The following SYTL4 variants were observed in gnomAD, a reference collection of about 807,000 sequenced individuals.
The protein encoded by SYTL4 is synaptotagmin-like protein 4.
A neutral mutation model predicts 52.7 loss-of-function variants in SYTL4; 16 were observed. The ratio of observed to expected loss-of-function variants is 0.30; its 90% CI spans 0.21 to 0.46. The LOEUF (loss-of-function observed/expected upper bound fraction) is 0.46. Ranked by LOEUF, SYTL4 falls within the 20% of genes least tolerant of loss-of-function variation. SYTL4 has a pLI of 1.00. For synonymous variants in SYTL4, 160 were observed against 186.6 expected (o/e 0.86, Z 1.16); for missense variants, 423 against 519.9 (o/e 0.81, Z 1.81).
At chrX:100,680,971 C>T (rs2083362532) in intron 17 of SYTL4, among the ~76,000 whole-genome samples, 2 of 111,629 alleles carry the variant, frequency 1.8e-5, no homozygotes, top group Admixed American at 9.6e-5. Flanking sequence ...CTTCTGCCCT[C>T]TTAGTAGCTT....
rs756684104 is a variant in SYTL4, at chrX:100,696,323, A to G, written c.539+4574T>C. ...CCCACCAGCAGTGTATAAGAATGCT[A>G]GTTGTTTATAATAGCAAGGAGGAAA... is the stretch of plus-strand genomic sequence containing the variant. On this transcript the variant is annotated intron_variant, in intron 8 of 19. Transcript: ENST00000372989. Among the ~76,000 whole-genome samples, 411 of 112,379 alleles carry G rather than the reference A, an allele frequency of 3.7e-3. 1 individual carries two copies. Among genetic ancestry groups the G allele is most frequent in the Admixed American group, 3.2e-3 (34 of 10,616 alleles).
chrX:100,712,843 A>G (rs770715484), intron 2 of SYTL4, among the ~76,000 whole-genome samples: 1 of 112,638 alleles, frequency 8.9e-6, no homozygotes, highest in South Asian at 3.7e-4. Context: ...ATGAATAAAC[A>G]TATCACCAAA....
At chrX:100,688,563 C>CTT (rs746602688) in intron 12 of SYTL4, 120 bp from the exon 13 acceptor site, 1,113 of 323,094 alleles carry the variant, frequency 3.4e-3, no homozygotes, top group East Asian at 4.5e-3. Flanking sequence ...ACACATACTT[C>CTT]TTTTTTTTTT....
At position 100,716,726 on chromosome X, in the gene SYTL4, T is replaced by C. The variant is rs142005532; in HGVS notation, c.-239-11840A>G. Among the ~76,000 whole-genome samples the C allele has an allele frequency of 3.7e-3, 409 of 110,283 alleles. 2 individuals are homozygous for C. The highest frequency in any genetic ancestry group is 0.013 in the African/African-American group (387 of 30,390). Reference sequence around the variant, plus strand: ...ACATTGCTTACAGTCAATAAAATAATTGCTTTGGGATATTGTGTTGGTTAT... The same window carrying C: ...ACATTGCTTACAGTCAATAAAATAACTGCTTTGGGATATTGTGTTGGTTAT... On this transcript the variant is annotated intron_variant, in intron 2 of 19. Coordinates refer to ENST00000372989, the MANE Select transcript of SYTL4 (RefSeq NM_001370165.1).
chrX:100,721,884 C>A (rs890270468), intron 2 of SYTL4, among the ~76,000 whole-genome samples: 1 of 110,586 alleles, frequency 9.0e-6, no homozygotes, highest in Non-Finnish European at 1.9e-5. Context: ...TCACTGCAAC[C>A]ACTGCCTCCT....
intron 3 of SYTL4, among the ~76,000 whole-genome samples, chrX:100,704,201 A>G (rs1310221369): frequency 8.9e-6 from 1 of 111,945 alleles, no homozygotes; most frequent in African/African-American, 3.2e-5. Context: ...TCCTGGGCTC[A>G]AGTGATCTTC....
chrX:100,704,933 T>C (rs1256143289), intron 2 of SYTL4, 47 bp from the exon 3 acceptor site: 1 of 112,174 alleles, frequency 8.9e-6, no homozygotes, highest in Non-Finnish European at 1.9e-5. Flanking sequence ...GCTATACAGG[T>C]TCCTGAAACC....
intron 2 of SYTL4, among the ~76,000 whole-genome samples, chrX:100,728,157 A>C (rs1331377444): frequency 8.9e-6 from 1 of 111,770 alleles, no homozygotes. Context: ...TGGGGAGACA[A>C]ATTTAGTAGA....
At chrX:100,690,237 A>T in intron 10 of SYTL4, 72 bp from the exon 11 acceptor site, 1 of 758,218 alleles carries the variant, frequency 1.3e-6, no homozygotes, top group East Asian at 3.2e-5. Flanking sequence ...AAGGAAGGAC[A>T]GTCTTAAGAA....
chrX:100,727,978 G>A (rs2084555923), intron 2 of SYTL4, among the ~76,000 whole-genome samples: 1 of 111,627 alleles, frequency 9.0e-6, no homozygotes, highest in Admixed American at 9.5e-5. Context: ...TTGGATATAT[G>A]AGGCTGCAGC....
chrX:100,691,206 CA>C lies in SYTL4; in HGVS notation c.542del (p.Val181GlyfsTer8). ...IIQERQKEPS[V>X]LFEVPKLKSG... ...TTTTCAGCTTTGGCACTTCAAATAG[CA>C]CACTAGAATAAAAACCAAGAGCCAA... On this transcript the variant is annotated frameshift_variant and splice_region_variant, in exon 9 of 20. Coordinates refer to ENST00000372989, the MANE Select transcript of SYTL4 (RefSeq NM_001370165.1). LOFTEE classifies it high-confidence loss of function. 1 of 1,197,848 alleles carries C rather than the reference CA, an allele frequency of 8.3e-7. No individual in the cohort carries two copies. Among genetic ancestry groups the C allele is most frequent in the Non-Finnish European group, 1.1e-6 (1 of 885,018 alleles).
At chrX:100,728,864 C>T (rs927019088) in intron 2 of SYTL4, among the ~76,000 whole-genome samples, 3 of 110,298 alleles carry the variant, frequency 2.7e-5, no homozygotes, top group Non-Finnish European at 5.7e-5. Context: ...GGTGAAATCC[C>T]GTCTCTACTA....
chrX:100,725,090 CAGA>C (rs967950843), intron 2 of SYTL4, among the ~76,000 whole-genome samples: 10 of 110,838 alleles, frequency 9.0e-5, no homozygotes, highest in Non-Finnish European at 1.9e-4. Flanking sequence ...TAAGCAGGAA[CAGA>C]AGATTTATAT....
chrX:100,718,449 G>C, intron 2 of SYTL4, among the ~76,000 whole-genome samples: 1 of 111,191 alleles, frequency 9.0e-6, no homozygotes, highest in Non-Finnish European at 1.9e-5. Context: ...TCAAAAAGAA[G>C]AAAAATAGGA....
rs1031318023 is a variant in SYTL4, at chrX:100,686,220, A to G, written c.1288-69T>C. The G allele has an allele frequency of 4.8e-6, 5 of 1,033,602 alleles. No individual in the cohort carries two copies. The African/African-American group carries it at 9.5e-5, about 20-fold the overall frequency. The allele number at this position is 1,033,602 out of a possible 1,213,427, so 85.2% of individuals were successfully genotyped here. On this transcript the variant is annotated intron_variant, in intron 15 of 19. Transcript: ENST00000372989. ...ATTCTTCAGACAAGATTATTCCAAA[A>G]CCTGAGCAACCATTCCTGAAGTCAC... is the stretch of plus-strand genomic sequence containing the variant.
chrX:100,701,822 C>T, intron 5 of SYTL4, 106 bp downstream of exon 5: 1 of 804,614 alleles, frequency 1.2e-6, no homozygotes, highest in Non-Finnish European at 1.8e-6. Context: ...TAGTGGTAAA[C>T]ATCACATATA....
chrX:100,723,264 C>G (rs1048284109), intron 2 of SYTL4, among the ~76,000 whole-genome samples: 8 of 111,815 alleles, frequency 7.2e-5, no homozygotes, highest in Non-Finnish European at 1.1e-4. Context: ...CGATCGCAGG[C>G]GCGCGCCGCC....
In SYTL4 at chrX:100,701,267, C is replaced by A; in HGVS notation, c.389G>T (p.Arg130Leu). The A allele has an allele frequency of 8.3e-7, 1 of 1,211,269 alleles. No individual in the cohort carries two copies. The highest frequency in any genetic ancestry group is 1.1e-6 in the Non-Finnish European group (1 of 894,929). The change falls in exon 7 of 20, where the codon CGC becomes CTC. Residue 130 changes from arginine to leucine, a missense_variant. By Grantham distance (102) the Arg-to-Leu change is moderately radical. Coordinates refer to ENST00000372989, the MANE Select transcript of SYTL4 (RefSeq NM_001370165.1). ...YDQKVNRFAY[R>L]TGSEIIRMSL... ...CATCCTGATTATCTCACTACCTGTG[C>A]GGTAAGCAAAGCGATTCACTTTCTG...
chrX:100,681,610 C>A (rs181609479), intron 16 of SYTL4, among the ~76,000 whole-genome samples: 1 of 111,849 alleles, frequency 8.9e-6, no homozygotes, highest in African/African-American at 3.2e-5. Flanking sequence ...ATTCCAAATA[C>A]TCTCAAAGAT....
Sources: allele counts gnomAD v4.1 joint callset (sites outside exome capture counted in the v4.1 genomes callset), GRCh38; gene constraint gnomAD v4.1.1; transcripts MANE v1.5; gene names NCBI Gene and HGNC (gene_info 2026-07-23, HGNC 2026-07-21).